STOX2: variants seen among roughly 807,000 people sequenced by gnomAD.
STOX2 encodes storkhead box 2, also known as storkhead-box protein 2.
A neutral mutation model predicts 60.9 loss-of-function variants in STOX2; 28 were observed. The observed-to-expected ratio is 0.46, with a 90% CI of 0.34 to 0.63. The LOEUF is 0.63. STOX2 is among the 30% of genes least tolerant of loss of function. STOX2 has a pLI of 0.01. For missense variants in STOX2, 1,024 were observed against 1,187.7 expected (o/e 0.86, Z 2.03); for synonymous variants, 472 against 463.9 (o/e 1.02, Z -0.22).
At chr4:183,951,067 T>C (rs908114374) in intron 1 of STOX2, among the ~76,000 whole-genome samples, 2 of 151,306 alleles carry the variant, frequency 1.3e-5, no homozygotes, top group African/African-American at 4.9e-5. Flanking sequence ...TACAAAAAAA[T>C]TAGCCGGGCG....
intron 1 of STOX2, among the ~76,000 whole-genome samples, chr4:183,814,984 G>T (rs138527598): frequency 2.7e-4 from 41 of 151,938 alleles, no homozygotes; most frequent in African/African-American, 9.7e-4. Flanking sequence ...CTTTTGGGGG[G>T]AATATTTTAT....
At chr4:183,941,907 A>C (rs1742763894) in intron 1 of STOX2, among the ~76,000 whole-genome samples, 1 of 152,190 alleles carries the variant, frequency 6.6e-6, no homozygotes. Context: ...GACATTTATC[A>C]CTTCATCATG....
In STOX2 at chr4:183,911,051, T is replaced by A. The variant is rs140841729; in HGVS notation, c.166+4095T>A. Among the ~76,000 whole-genome samples the A allele has an allele frequency of 9.9e-3, 1,512 of 152,286 alleles. 62 individuals are homozygous for A. Among genetic ancestry groups the A allele is most frequent in the Admixed American group, 0.069 (1,058 of 15,294 alleles). ...GCGAGTAATATGACCTCCCTCCATCTGTAATGAGTCCCCCACTTCCATGCT... is the reference window on the plus strand; with the variant it reads ...GCGAGTAATATGACCTCCCTCCATCAGTAATGAGTCCCCCACTTCCATGCT... On this transcript the variant is annotated intron_variant, in intron 1 of 3. Transcript: ENST00000308497.
intron 1 of STOX2, among the ~76,000 whole-genome samples, chr4:183,830,701 A>T (rs73870911): frequency 6.6e-6 from 1 of 152,306 alleles, no homozygotes; most frequent in African/African-American, 2.4e-5. Flanking sequence ...ACCTTTCATC[A>T]TAGGCCAATG....
intron 1 of STOX2, among the ~76,000 whole-genome samples, chr4:183,892,560 G>A (rs1264292201): frequency 1.3e-5 from 2 of 152,196 alleles, no homozygotes; most frequent in Non-Finnish European, 2.9e-5. Flanking sequence ...GATTACAGGC[G>A]TGAGCCACCG....
intron 1 of STOX2, among the ~76,000 whole-genome samples, chr4:183,956,478 CTATCTCTA>C (rs1743255847): frequency 6.6e-6 from 1 of 150,602 alleles, no homozygotes; most frequent in Non-Finnish European, 1.5e-5. Context: ...ATCTATCTAT[CTATCTCTA>C]GTATCTATTT....
At position 183,914,474 on chromosome 4, in the gene STOX2, A is replaced by T. The variant is rs76954043; in HGVS notation, c.166+7518A>T. On this transcript the variant is annotated intron_variant, in intron 1 of 3. Transcript: ENST00000308497. ...TAAAAATAAAAATTAAAAAGCTGCA[A>T]CTGATTTTGTTGTTGTTGGAAGAAT... 4.1e-3 allele frequency among the ~76,000 whole-genome samples: 622 copies of T among 152,274 alleles called. 38 individuals are homozygous for T. The East Asian group carries it at 0.11, about 27-fold the overall frequency.
chr4:184,007,618 G>T (rs1018547957), intron 2 of STOX2, among the ~76,000 whole-genome samples: 9 of 152,190 alleles, frequency 5.9e-5, no homozygotes, highest in African/African-American at 1.7e-4. Context: ...TGCTAGGACT[G>T]CTGTAACAAA....
chr4:183,979,089 G>C (rs1732551507), intron 1 of STOX2, among the ~76,000 whole-genome samples: 1 of 152,174 alleles, frequency 6.6e-6, no homozygotes, highest in Non-Finnish European at 1.5e-5. Flanking sequence ...GATTTAATTG[G>C]CTTGTGACTC....
chr4:183,820,371 CT>C (rs1377782058), intron 1 of STOX2, among the ~76,000 whole-genome samples: 1 of 152,154 alleles, frequency 6.6e-6, no homozygotes, highest in African/African-American at 2.4e-5. Flanking sequence ...TGTCCCTTTC[CT>C]CTCCTATTGC....
At chr4:183,853,571 G>A (rs1740217925) in intron 1 of STOX2, 1 of 152,164 alleles carries the variant, frequency 6.6e-6, no homozygotes, top group Non-Finnish European at 1.5e-5. Context: ...GAGGGAAAAA[G>A]AAAAAGAGGA....
rs74995754 is a variant in STOX2 at position 184,017,783 on chromosome 4, C to T, written c.*499C>T. On this transcript the variant is annotated 3_prime_UTR_variant, in exon 4 of 4. Coordinates refer to ENST00000308497, the MANE Select transcript of STOX2 (RefSeq NM_020225.3). ...ACGAAATGTCAAATGCAAGGGTCCA[C>T]CTTGAGGGAAATAGATGCCAAACTA... is the stretch of plus-strand genomic sequence containing the variant. 2,765 of 151,576 alleles carry T rather than the reference C, an allele frequency of 0.018. 42 individuals are homozygous for T. The highest frequency in any genetic ancestry group is 0.087 in the Middle Eastern group (25 of 288). 9.4% of individuals were successfully genotyped at this position (151,576 alleles called of 1,614,324 possible). A position where few individuals can be genotyped will look rare whatever the true frequency, so the allele number is the denominator to read the frequency against.
At chr4:184,007,038 CAA>C (rs1010667959) in intron 2 of STOX2, among the ~76,000 whole-genome samples, 4 of 62,628 alleles carry the variant, frequency 6.4e-5, no homozygotes, top group East Asian at 1.1e-3. Context: ...AAAAACAAAA[CAA>C]AAAAAAAATT....
chr4:183,838,433 A>G (rs1413288851), intron 1 of STOX2, among the ~76,000 whole-genome samples: 1 of 152,008 alleles, frequency 6.6e-6, no homozygotes, highest in Non-Finnish European at 1.5e-5. Context: ...GTGTGTCTTG[A>G]TTTATTATTT....
At chr4:183,987,111 C>T (rs1308642456) in intron 1 of STOX2, among the ~76,000 whole-genome samples, 1 of 152,134 alleles carries the variant, frequency 6.6e-6, no homozygotes, top group East Asian at 1.9e-4. Context: ...CGAGCGGTGC[C>T]TGTTTTGGCG....
At chr4:183,845,766 G>T (rs116608486) in intron 1 of STOX2, among the ~76,000 whole-genome samples, 57 of 152,270 alleles carry the variant, frequency 3.7e-4, no homozygotes, top group African/African-American at 1.3e-3. Context: ...ATCTTTATAC[G>T]ATGTGTTCCC....
At chr4:183,938,488 G>A (rs1171165580) in intron 1 of STOX2, among the ~76,000 whole-genome samples, 2 of 152,054 alleles carry the variant, frequency 1.3e-5, no homozygotes, top group Non-Finnish European at 2.9e-5. Context: ...GGCCAACATG[G>A]TGAAACCCCG....
At chr4:183,802,413 T>G (rs1253373808) in intron 1 of STOX2, among the ~76,000 whole-genome samples, 1 of 152,132 alleles carries the variant, frequency 6.6e-6, no homozygotes, top group African/African-American at 2.4e-5. Context: ...TTCATTCTGT[T>G]GCCCAGGCTG....
chr4:183,850,891 A>AAAGGATGAGG (rs1740104484), intron 1 of STOX2, among the ~76,000 whole-genome samples: 2 of 64,910 alleles, frequency 3.1e-5, no homozygotes, highest in African/African-American at 1.1e-4. Context: ...AAAGGATGAG[A>AAAGGATGAGG]GAAACGATGA....
Sources: allele counts gnomAD v4.1 joint callset (sites outside exome capture counted in the v4.1 genomes callset), GRCh38; gene constraint gnomAD v4.1.1; transcripts MANE v1.5; gene names NCBI Gene and HGNC (gene_info 2026-07-23, HGNC 2026-07-21).